IFT74: variants seen among roughly 807,000 people sequenced by gnomAD.
The protein encoded by IFT74 is intraflagellar transport 74, also known as intraflagellar transport protein 74 homolog.
A neutral mutation model predicts 96.7 loss-of-function variants in IFT74; 92 were observed. The ratio of observed to expected loss-of-function variants is 0.95; its 90% CI spans 0.80 to 1.13. The LOEUF is 1.13. Ranked by LOEUF, IFT74 falls within the 50% of genes most tolerant of loss-of-function variation. The probability of loss-of-function intolerance (pLI) is 0.00; values close to 1 mark genes in which losing one functional copy is unlikely to be tolerated. For synonymous variants in IFT74, 223 were observed against 213.2 expected, an observed-to-expected ratio of 1.05 and a Z score of -0.40; for missense variants, 811 against 698.2, an observed-to-expected ratio of 1.16 and a Z score of -1.82.
intron 8 of IFT74, among the ~76,000 whole-genome samples, chr9:27,006,096 A>T (rs1279236510): frequency 1.3e-5 from 2 of 152,096 alleles, no homozygotes; most frequent in Non-Finnish European, 2.9e-5. Context: ...CCCCTGCCTC[A>T]GCCTCCCAAA....
Position 27,063,058 on chromosome 9 carries a change from G to A in IFT74, c.*322G>A. ...GCAACAAATGAGATAAGCTTTTCTTGTATCAACTCTAGGACGGATGCATGG... is the reference window on the plus strand; with the variant it reads ...GCAACAAATGAGATAAGCTTTTCTTATATCAACTCTAGGACGGATGCATGG... On this transcript the variant is annotated 3_prime_UTR_variant, in exon 20 of 20. Coordinates refer to ENST00000380062, the MANE Select transcript of IFT74 (RefSeq NM_025103.4). 1 of 229,800 alleles carries A rather than the reference G, an allele frequency of 4.4e-6. No homozygotes were observed. Among genetic ancestry groups the A allele is most frequent in the East Asian group, 1.4e-4 (1 of 7,238 alleles). The allele number at this position is 229,800 out of a possible 1,614,324, so 14.2% of individuals were successfully genotyped here.
At position 27,015,727 on chromosome 9, in the gene IFT74, T is replaced by C. The variant is rs112532550; in HGVS notation, c.790-1180T>C. Among the ~76,000 whole-genome samples, 280 of 152,364 alleles carry C rather than the reference T, an allele frequency of 1.8e-3. 1 individual carries two copies. The highest frequency in any genetic ancestry group is 5.8e-3 in the South Asian group (28 of 4,824). On this transcript the variant is annotated intron_variant, in intron 10 of 19. Coordinates refer to ENST00000380062, the MANE Select transcript of IFT74 (RefSeq NM_025103.4). ...TTTCAAATGTCACTGTTAACTCTTA[T>C]GTCTTTGTTAACTTTGAAAAGTTAT...
At chr9:27,060,782 C>T (rs1820382575) in intron 19 of IFT74, 131 bp downstream of exon 19, 1 of 515,648 alleles carries the variant, frequency 1.9e-6, no homozygotes, top group East Asian at 3.2e-5. Flanking sequence ...CACGGTGAAA[C>T]CCCATCTCTA....
At chr9:27,062,032 G>A (rs953398724) in intron 19 of IFT74, among the ~76,000 whole-genome samples, 1 of 152,134 alleles carries the variant, frequency 6.6e-6, no homozygotes, top group African/African-American at 2.4e-5. Context: ...CTGACTCAGT[G>A]GCAGCATAGG....
chr9:26,955,441 A>G (rs1001598352), upstream of IFT74, among the ~76,000 whole-genome samples: 1 of 152,202 alleles, frequency 6.6e-6, no homozygotes, highest in Non-Finnish European at 1.5e-5. Flanking sequence ...CTAGCAAGCA[A>G]TAATACTCAT....
At chr9:27,035,571 G>T (rs1034198204) in intron 13 of IFT74, among the ~76,000 whole-genome samples, 1 of 152,180 alleles carries the variant, frequency 6.6e-6, no homozygotes, top group Non-Finnish European at 1.5e-5. Flanking sequence ...TTGTGTTTCA[G>T]TAAGTCCTCC....
chr9:27,060,128 T>C (rs1260346487), intron 18 of IFT74, among the ~76,000 whole-genome samples: 3 of 152,220 alleles, frequency 2.0e-5, no homozygotes, highest in African/African-American at 7.2e-5. Flanking sequence ...GCTCTGCTCT[T>C]ATCACAGCTT....
chr9:27,052,011 G>T (rs1020583706), intron 16 of IFT74, among the ~76,000 whole-genome samples: 1 of 151,840 alleles, frequency 6.6e-6, no homozygotes, highest in African/African-American at 2.4e-5. Flanking sequence ...TCGTATTTTA[G>T]ACCTTCATGC....
chr9:26,976,187 G>T (rs765804679), intron 2 of IFT74, among the ~76,000 whole-genome samples: 2 of 152,236 alleles, frequency 1.3e-5, no homozygotes, highest in East Asian at 1.9e-4. Context: ...ACTGCAATGC[G>T]ACAGTGGGAC....
rs1827549207 is a variant in IFT74 at position 26,984,507 on chromosome 9, CTT to C, written c.415_416del (p.Leu139SerfsTer3). ...TTATTTTATGCTTTCAGGGCTGAGA[CTT>C]TAGCTGTTGAGATAAAAGAGCTTCA... is the stretch of plus-strand genomic sequence containing the variant. On this transcript the variant is annotated frameshift_variant, in exon 6 of 20. Transcript: ENST00000380062. LOFTEE classifies it high-confidence loss of function. 6 of 1,611,994 alleles carry C rather than the reference CTT, an allele frequency of 3.7e-6. No individual in the cohort carries two copies. Among genetic ancestry groups the C allele is most frequent in the Non-Finnish European group, 5.1e-6 (6 of 1,178,534 alleles).
intron 13 of IFT74, among the ~76,000 whole-genome samples, chr9:27,042,238 T>C (rs1819514329): frequency 6.6e-6 from 1 of 152,138 alleles, no homozygotes; most frequent in South Asian, 2.1e-4. Context: ...TGACAGTTCT[T>C]AAACCACAAG....
At position 27,065,384 on chromosome 9, in the gene IFT74, G is replaced by T. The variant is rs1005821106; in HGVS notation, c.*2648G>T. On this transcript the variant is annotated 3_prime_UTR_variant, in exon 20 of 20. Coordinates refer to ENST00000380062, the MANE Select transcript of IFT74 (RefSeq NM_025103.4). ...TTCCTGAGTCAGTCACATTACTCAG[G>T]GGGTTCCATTCATGCTAAAATAACA... is the stretch of plus-strand genomic sequence containing the variant. Among the ~76,000 whole-genome samples, 3 of 152,082 alleles carry T rather than the reference G, an allele frequency of 2.0e-5. No individual in the cohort carries two copies. Among genetic ancestry groups the T allele is most frequent in the African/African-American group, 7.2e-5 (3 of 41,412 alleles).
chr9:26,987,005 A>C (rs888400247), intron 6 of IFT74, among the ~76,000 whole-genome samples: 1 of 152,250 alleles, frequency 6.6e-6, no homozygotes, highest in Middle Eastern at 3.4e-3. Context: ...GATTTTCTTT[A>C]GTAAATGATG....
At chr9:26,949,299 G>T (rs2131450449) in intron 1 of IFT74, among the ~76,000 whole-genome samples, 1 of 152,284 alleles carries the variant, frequency 6.6e-6, no homozygotes, top group South Asian at 2.1e-4. Flanking sequence ...CACACATGAA[G>T]AATTTGCCTT....
chr9:26,967,419 A>G (rs529209063), intron 2 of IFT74, among the ~76,000 whole-genome samples: 49 of 152,056 alleles, frequency 3.2e-4, no homozygotes, highest in African/African-American at 1.2e-3. Flanking sequence ...TAGAAATGCT[A>G]TTGATTTTTG....
chr9:26,984,439 C>A (rs1047622160), intron 5 of IFT74, 60 bp from the exon 6 acceptor site: 8 of 1,582,618 alleles, frequency 5.1e-6, no homozygotes, highest in South Asian at 1.1e-5. Context: ...TTGTAATGTT[C>A]ATTTTCTTAT....
chr9:27,037,002 T>G (rs1184875538), intron 13 of IFT74, among the ~76,000 whole-genome samples: 1 of 152,058 alleles, frequency 6.6e-6, no homozygotes, highest in Non-Finnish European at 1.5e-5. Flanking sequence ...GTGAATTACC[T>G]GAGGTCAGGA....
At chr9:26,955,165 A>G (rs147014364), upstream of IFT74, among the ~76,000 whole-genome samples, 2 of 152,316 alleles carry the variant, frequency 1.3e-5, no homozygotes, top group East Asian at 3.9e-4. Context: ...TGAATTTATT[A>G]AAGGACATTA....
chr9:26,988,353 A>G (rs1227373985), intron 6 of IFT74, among the ~76,000 whole-genome samples: 1 of 152,184 alleles, frequency 6.6e-6, no homozygotes, highest in Non-Finnish European at 1.5e-5. Flanking sequence ...CGTCTGTTCC[A>G]AACCCTTATT....
Sources: allele counts gnomAD v4.1 joint callset (sites outside exome capture counted in the v4.1 genomes callset), GRCh38; gene constraint gnomAD v4.1.1; transcripts MANE v1.5; gene names NCBI Gene and HGNC (gene_info 2026-07-23, HGNC 2026-07-21).